The following RBBP8 variants were observed in gnomAD, a reference collection of about 807,000 sequenced individuals.
RBBP8 encodes the protein RB binding protein 8, endonuclease.
RBBP8 carries 88 observed loss-of-function variants against 108.3 expected under a neutral mutation model. That is an observed-to-expected ratio of 0.81 (90% confidence interval 0.68 to 0.97). RBBP8 has a LOEUF of 0.97. RBBP8 is among the 50% of genes least tolerant of loss of function. The pLI is 0.00. For synonymous variants in RBBP8, 332 were observed against 348.2 expected (o/e 0.95, Z 0.52); for missense variants, 1,023 against 1,049.0 (o/e 0.98, Z 0.34).
At chr18:23,009,674 T>C (rs2046122257) in intron 16 of RBBP8, among the ~76,000 whole-genome samples, 1 of 152,094 alleles carries the variant, frequency 6.6e-6, no homozygotes, top group Admixed American at 6.6e-5. Flanking sequence ...GTTTAAAATT[T>C]ATGATTTTTC....
In RBBP8 at chr18:22,946,387, C is replaced by T. The variant is rs981176240; in HGVS notation, c.110-57C>T. 10 of 1,599,270 alleles carry T rather than the reference C, an allele frequency of 6.3e-6. No individual in the cohort carries two copies. The African/African-American group carries it at 1.1e-4, about 17-fold the overall frequency. On this transcript the variant is annotated intron_variant, in intron 2 of 18. Coordinates refer to ENST00000327155, the MANE Select transcript of RBBP8 (RefSeq NM_002894.3). ...AGACTGATGTGACTTAATAGTGGAG[C>T]ATTTGACTCATAAAGGAACTGTTGT...
At chr18:22,943,475 AC>A (rs1363441614) in intron 2 of RBBP8, among the ~76,000 whole-genome samples, 2 of 151,934 alleles carry the variant, frequency 1.3e-5, no homozygotes, top group East Asian at 3.8e-4. Context: ...AGTAACTCTC[AC>A]ACCTTTTATT....
chr18:22,980,965 C>CTTTTTTTTT lies in RBBP8; in HGVS notation c.429-1236_429-1228dup, dbSNP rs1167377654. Among the ~76,000 whole-genome samples the CTTTTTTTTT allele has an allele frequency of 6.1e-3, 426 of 69,480 alleles. 98 individuals are homozygous for CTTTTTTTTT. Among genetic ancestry groups the CTTTTTTTTT allele is most frequent in the East Asian group, 0.011 (17 of 1,594 alleles). The allele number at this position is 69,480 out of a possible 152,430, so 45.6% of individuals were successfully genotyped here. ...AATTGTAGGTGTGAGCCACTTATGTCTTTTTTTTTTTTTTTTTTTTTTTTT... is the reference window on the plus strand; with the variant it reads ...AATTGTAGGTGTGAGCCACTTATGTCTTTTTTTTTTTTTTTTTTTTTTTTTTTTTTTTTT... On this transcript the variant is annotated intron_variant, in intron 6 of 18. Coordinates refer to ENST00000327155, the MANE Select transcript of RBBP8 (RefSeq NM_002894.3).
intron 3 of RBBP8, among the ~76,000 whole-genome samples, chr18:22,920,555 T>C (rs796315490): frequency 1.3e-5 from 2 of 152,344 alleles, no homozygotes; most frequent in African/African-American, 4.8e-5. Context: ...TTGCCTATCA[T>C]ATCTACAATG....
At chr18:22,916,663 A>G (rs1444689551) in intron 2 of RBBP8, among the ~76,000 whole-genome samples, 2 of 152,126 alleles carry the variant, frequency 1.3e-5, no homozygotes, top group African/African-American at 2.4e-5. Context: ...CTGAATATAT[A>G]TGGGATTGCC....
intron 12 of RBBP8, among the ~76,000 whole-genome samples, chr18:22,994,658 AG>A (rs2045822223): frequency 1.3e-5 from 2 of 150,716 alleles, no homozygotes; most frequent in African/African-American, 4.9e-5. Flanking sequence ...AAAAAAAAAA[AG>A]AAAAAAAAAA....
At chr18:22,933,291 C>G (rs985207897), upstream of RBBP8, 2 of 152,228 alleles carry the variant, frequency 1.3e-5, no homozygotes, top group African/African-American at 2.4e-5. Context: ...CCGCGATGGG[C>G]AGCTGGAGGA....
intron 2 of RBBP8, among the ~76,000 whole-genome samples, chr18:22,916,338 T>C (rs1404496143): frequency 1.3e-5 from 2 of 152,074 alleles, no homozygotes; most frequent in Non-Finnish European, 2.9e-5. Flanking sequence ...AAGAGGGACA[T>C]TTAAAGAATA....
At chr18:22,916,313 T>C (rs1250813050) in intron 2 of RBBP8, among the ~76,000 whole-genome samples, 4 of 152,106 alleles carry the variant, frequency 2.6e-5, no homozygotes, top group African/African-American at 9.6e-5. Context: ...CTTAGAATTA[T>C]GTCATTTTTT....
At chr18:22,939,925 G>A (rs1490879448) in intron 2 of RBBP8, among the ~76,000 whole-genome samples, 1 of 152,158 alleles carries the variant, frequency 6.6e-6, no homozygotes, top group Non-Finnish European at 1.5e-5. Flanking sequence ...TGGAAGGGGA[G>A]GGAATTTTCT....
chr18:22,918,448 G>A (rs1032253011), intron 3 of RBBP8, among the ~76,000 whole-genome samples: 5 of 152,142 alleles, frequency 3.3e-5, no homozygotes, highest in Non-Finnish European at 1.5e-5. Context: ...GTAACATAGT[G>A]TGTGTGATAA....
At chr18:23,008,414 AC>A (rs2046096647) in intron 16 of RBBP8, among the ~76,000 whole-genome samples, 1 of 152,112 alleles carries the variant, frequency 6.6e-6, no homozygotes, top group African/African-American at 2.4e-5. Context: ...TTTTTTAGTT[AC>A]CAGTTTTCCA....
At chr18:23,023,058 A>G (rs1461705791) in intron 18 of RBBP8, among the ~76,000 whole-genome samples, 2 of 150,982 alleles carry the variant, frequency 1.3e-5, no homozygotes, top group East Asian at 1.9e-4. Context: ...CGCCATACCC[A>G]GCACTTTTTT....
chr18:22,971,354 A>G (rs985029155), intron 5 of RBBP8, among the ~76,000 whole-genome samples: 3 of 150,390 alleles, frequency 2.0e-5, no homozygotes, highest in East Asian at 4.0e-4. Flanking sequence ...TCTTTCAATT[A>G]TTTTTACAGT....
At chr18:22,926,691 G>C (rs769357241) in intron 3 of RBBP8, among the ~76,000 whole-genome samples, 4 of 152,152 alleles carry the variant, frequency 2.6e-5, no homozygotes, top group Non-Finnish European at 4.4e-5. Flanking sequence ...AAACGAAGAA[G>C]GTATGAAGTC....
intron 4 of RBBP8, among the ~76,000 whole-genome samples, chr18:22,955,921 A>G (rs561650710): frequency 1.3e-5 from 2 of 152,102 alleles, no homozygotes; most frequent in African/African-American, 2.4e-5. Context: ...CATTTTTACT[A>G]TTTCATGATG....
At position 22,992,857 on chromosome 18, in the gene RBBP8, A is replaced by G; in HGVS notation, c.1030A>G (p.Thr344Ala). The G allele has an allele frequency of 6.2e-7, 1 of 1,613,904 alleles. No homozygotes were observed. The highest frequency in any genetic ancestry group is 2.2e-5 in the East Asian group (1 of 44,834). ...TATCAAAAGTGGTTTAGATTTGAAT[A>G]CAAGTTTGTCCCCTTCTCTTTTACA... is the stretch of plus-strand genomic sequence containing the variant. ...SSIKSGLDLN[T>A]SLSPSLLQPG... Residue 344 changes from threonine (T) to alanine (A), a missense_variant, in exon 11 of 19, where the codon ACA becomes GCA. Physicochemically the swap from Thr to Ala is moderately conservative, Grantham distance 58. Coordinates refer to ENST00000327155, the MANE Select transcript of RBBP8 (RefSeq NM_002894.3).
At chr18:22,961,419 C>A (rs6507401) in intron 4 of RBBP8, among the ~76,000 whole-genome samples, 1 of 152,200 alleles carries the variant, frequency 6.6e-6, no homozygotes, top group African/African-American at 2.4e-5. Context: ...CTTCTTACAC[C>A]CCAGAGTGAG....
chr18:22,981,460 T>C (rs1309961176), intron 6 of RBBP8, among the ~76,000 whole-genome samples: 2 of 152,220 alleles, frequency 1.3e-5, no homozygotes, highest in Non-Finnish European at 2.9e-5. Flanking sequence ...GTTACTATTT[T>C]AGTAAATGAC....
Sources: gnomAD v4.1 joint callset for allele counts (sites outside exome capture counted in the v4.1 genomes callset) on GRCh38, gnomAD v4.1.1 for gene constraint, MANE v1.5 for transcripts, NCBI Gene and HGNC (gene_info 2026-07-23, HGNC 2026-07-21) for gene names.